The following BRD9 variants were observed in gnomAD, a reference collection of about 807,000 sequenced individuals.
The protein encoded by BRD9 is bromodomain-containing protein 9.
Under a neutral mutation model 68.7 loss-of-function variants are expected in BRD9, and 47 were observed. The ratio of observed to expected loss-of-function variants is 0.68; its 90% confidence interval spans 0.54 to 0.87. The LOEUF (loss-of-function observed/expected upper bound fraction) is 0.87. BRD9 is among the 40% of genes least tolerant of loss of function. The pLI, the probability that BRD9 is intolerant of heterozygous loss-of-function variation, is 0.00. For synonymous variants in BRD9, 313 were observed against 293.9 expected (o/e 1.06, Z -0.67); for missense variants, 670 against 748.4 (o/e 0.90, Z 1.22).
At position 876,223 on chromosome 5, in the gene BRD9, C is replaced by T. The variant is rs758788188; in HGVS notation, c.1272-11G>A. On this transcript the variant is annotated splice_polypyrimidine_tract_variant and intron_variant, in intron 11 of 15. Transcript: ENST00000467963. ...ACAAACTCCTGCAGGCTAGAGGGGC[C>T]GCGGGAGAAGGTACGCTGAAAGGAG... 7 of 1,605,962 alleles carry T rather than the reference C, an allele frequency of 4.4e-6. No homozygotes were observed. Among genetic ancestry groups the T allele is most frequent in the Non-Finnish European group, 6.0e-6 (7 of 1,173,390 alleles).
At chr5:885,703 G>T (rs757211890) in intron 7 of BRD9, among the ~76,000 whole-genome samples, 2 of 152,254 alleles carry the variant, frequency 1.3e-5, no homozygotes, top group Admixed American at 6.5e-5. Flanking sequence ...TGGATGTCCT[G>T]AGACTGCGCT....
In BRD9 at chr5:883,092, C is replaced by G. The variant is rs564030216; in HGVS notation, c.966+846G>C. 529 of 358,612 alleles carry G rather than the reference C, an allele frequency of 1.5e-3. 2 individuals carry two copies. The highest frequency in any genetic ancestry group is 2.7e-3 in the South Asian group (127 of 47,044). 22.2% of individuals were successfully genotyped at this position (358,612 alleles called of 1,614,324 possible). On this transcript the variant is annotated intron_variant, in intron 8 of 15. Transcript: ENST00000467963. Reference sequence around the variant, plus strand: ...CCACGCAGACCACGACCTCCCAACACGTGAGCCACGCAGACCGCAACCTCG... The same window carrying G: ...CCACGCAGACCACGACCTCCCAACAGGTGAGCCACGCAGACCGCAACCTCG...
At chr5:883,737 G>A (rs892848841) in intron 8 of BRD9, 33 of 684,316 alleles carry the variant, frequency 4.8e-5, no homozygotes, top group South Asian at 2.5e-4. Flanking sequence ...AAACACCAGC[G>A]GCAGCCCTGC....
At chr5:890,834 G>A (rs1275496901) in intron 3 of BRD9, among the ~76,000 whole-genome samples, 2 of 152,204 alleles carry the variant, frequency 1.3e-5, no homozygotes, top group Non-Finnish European at 2.9e-5. Flanking sequence ...TCTAGGCTTT[G>A]CGGGTCACAT....
At chr5:889,842 G>T in intron 3 of BRD9, 195 bp from the exon 4 acceptor site, 1 of 1,188,666 alleles carries the variant, frequency 8.4e-7, no homozygotes, top group Non-Finnish European at 1.2e-6. Context: ...CACCCCCACA[G>T]CAGGAGTCAT....
chr5:870,645 G>A (rs111918705), intron 13 of BRD9, 70 bp from the exon 14 acceptor site: 32 of 1,089,530 alleles, frequency 2.9e-5, no homozygotes, highest in African/African-American at 2.7e-4. Context: ...CTTCACACTC[G>A]CTATTGAAAT....
chr5:883,705 C>T lies in BRD9; in HGVS notation c.966+233G>A, dbSNP rs1579982145. ...CCATCAAGGAAATGAGGTCAGTGAC[C>T]ACGTGGCCTCCACGATGCATGAAAC... On this transcript the variant is annotated intron_variant, in intron 8 of 15. Coordinates refer to ENST00000467963, the MANE Select transcript of BRD9 (RefSeq NM_023924.5). 3 of 589,678 alleles carry T rather than the reference C, an allele frequency of 5.1e-6. No homozygotes were observed. In the East Asian group the frequency reaches 8.6e-5, roughly 17 times the overall value. 36.5% of individuals were successfully genotyped at this position (589,678 alleles called of 1,614,324 possible).
In BRD9 at chr5:891,990, G is replaced by A. The variant is rs895010763; in HGVS notation, c.53-136C>T. 6 of 1,381,334 alleles carry A rather than the reference G, an allele frequency of 4.3e-6. No homozygotes were observed. The African/African-American group carries it at 7.3e-5, about 17-fold the overall frequency. 85.6% of individuals were successfully genotyped at this position (1,381,334 alleles called of 1,614,324 possible). On this transcript the variant is annotated intron_variant, in intron 1 of 15. Transcript: ENST00000467963. ...GGCTGCCAACCAGCAGGGAAAGACG[G>A]AAGGGAAGACCACAGTGGCGGCATG...
chr5:891,289 T>G lies in BRD9; in HGVS notation c.268-2A>C. The G allele has an allele frequency of 1.3e-6, 2 of 1,551,234 alleles. No homozygotes were observed. The highest frequency in any genetic ancestry group is 1.7e-6 in the Non-Finnish European group (2 of 1,146,718). On this transcript the variant is annotated splice_acceptor_variant, in intron 2 of 15. Transcript: ENST00000467963. LOFTEE classifies it high-confidence loss of function. The stretch of plus-strand genomic sequence containing the variant: ...CTCTCGCTTCCGCTTCTTCTCTTCC[T>G]GGGCGGCAGAGTCAAGGGAGTGAGA...
rs752058954 is a variant in BRD9 at position 887,412 on chromosome 5, G to A, written c.666C>T (p.Tyr222=). The stretch of plus-strand genomic sequence containing the variant: ...GAAGGATCTTCTTCGCCAACTTGTA[G>A]TACACGGTATCTGGCCTATTGTATG... ...AMTYNRPDTV[Y]YKLAKKILHA... is the part of the protein sequence containing the mutation. The change falls in exon 6 of 16, where the codon TAC becomes TAT. Residue 222 remains tyrosine (Y), a synonymous_variant. Transcript: ENST00000467963. The A allele has an allele frequency of 1.2e-6, 2 of 1,614,144 alleles. No homozygotes were observed. The highest frequency in any genetic ancestry group is 3.3e-5 in the Admixed American group (2 of 60,030).
intron 1 of BRD9, 82 bp downstream of exon 1, chr5:892,524 G>C (rs1187782566): frequency 1.3e-5 from 19 of 1,501,484 alleles, no homozygotes; most frequent in Non-Finnish European, 1.7e-5. Flanking sequence ...CCGGTGCCCA[G>C]GACCCCCGTC....
intron 3 of BRD9, 191 bp from the exon 4 acceptor site, chr5:889,838 C>G (rs1753094947): frequency 8.1e-7 from 1 of 1,239,844 alleles, no homozygotes; most frequent in East Asian, 3.3e-5. Flanking sequence ...AGGGCACCCC[C>G]ACAGCAGGAG....
Position 885,710 on chromosome 5 carries a change from C to T in BRD9, c.833+882G>A, listed in dbSNP as rs548689864. On this transcript the variant is annotated intron_variant, in intron 7 of 15. Transcript: ENST00000467963. ...CATGAGGGTGGATGTCCTGAGACTG[C>T]GCTCTCTGGGGCCTGCACTCAGCAA... 2.0e-5 allele frequency among the ~76,000 whole-genome samples: 3 copies of T among 152,356 alleles called. No individual in the cohort carries two copies. The South Asian group carries it at 6.2e-4, about 32-fold the overall frequency.
At chr5:885,314 G>A (rs1752389239) in intron 7 of BRD9, among the ~76,000 whole-genome samples, 1 of 152,180 alleles carries the variant, frequency 6.6e-6, no homozygotes, top group African/African-American at 2.4e-5. Context: ...AGCGCACCCT[G>A]TCTCCTAAGC....
chr5:883,534 G>A (rs1232118516), intron 8 of BRD9: 13 of 427,860 alleles, frequency 3.0e-5, no homozygotes, highest in Non-Finnish European at 3.7e-5. Flanking sequence ...GAACACAGTC[G>A]GTGGCCTATT....
chr5:872,058 C>T (rs1386307864), intron 12 of BRD9, among the ~76,000 whole-genome samples: 2 of 151,840 alleles, frequency 1.3e-5, no homozygotes, highest in Non-Finnish European at 2.9e-5. Context: ...CTGCCGTGGG[C>T]GCAGGAGCGA....
Position 876,226 on chromosome 5 carries a change from G to A in BRD9, c.1272-14C>T, listed in dbSNP as rs376527594. On this transcript the variant is annotated splice_polypyrimidine_tract_variant and intron_variant, in intron 11 of 15. Transcript: ENST00000467963. Reference sequence around the variant, plus strand: ...AACTCCTGCAGGCTAGAGGGGCCGCGGGAGAAGGTACGCTGAAAGGAGCCC... The same window carrying A: ...AACTCCTGCAGGCTAGAGGGGCCGCAGGAGAAGGTACGCTGAAAGGAGCCC... 68 of 1,600,328 alleles carry A rather than the reference G, an allele frequency of 4.2e-5. No homozygotes were observed. The highest frequency in any genetic ancestry group is 2.5e-4 in the African/African-American group (19 of 74,784).
chr5:889,848 G>A (rs974429902), intron 3 of BRD9: 6 of 1,158,044 alleles, frequency 5.2e-6, no homozygotes, highest in East Asian at 3.5e-5. Context: ...CACAGCAGGA[G>A]TCATAAAAAT....
At chr5:884,829 AG>A (rs1281070394) in intron 7 of BRD9, among the ~76,000 whole-genome samples, 1 of 152,244 alleles carries the variant, frequency 6.6e-6, no homozygotes, top group African/African-American at 2.4e-5. Flanking sequence ...CTCCGCAGGG[AG>A]GGGCTCCACT....
Sources: allele counts gnomAD v4.1 joint callset (sites outside exome capture counted in the v4.1 genomes callset), GRCh38; gene constraint gnomAD v4.1.1; transcripts MANE v1.5; gene names NCBI Gene and HGNC (gene_info 2026-07-23, HGNC 2026-07-21).